C3orf18: variants seen among roughly 807,000 people sequenced by gnomAD.
The protein encoded by C3orf18 is chromosome 3 open reading frame 18, also known as uncharacterized protein C3orf18.
C3orf18 carries 12 observed loss-of-function variants against 14.1 expected under a neutral mutation model. The observed-to-expected ratio is 0.85, with a 90% confidence interval of 0.55 to 1.38. The LOEUF (loss-of-function observed/expected upper bound fraction) is 1.38, where lower values mean the gene tolerates loss of function less well. Ranked by LOEUF, C3orf18 falls within the 40% of genes most tolerant of loss-of-function variation. The probability of loss-of-function intolerance (pLI) is 0.00; values close to 1 mark genes in which losing one functional copy is unlikely to be tolerated. For missense variants in C3orf18, 196 were observed against 213.9 expected (o/e 0.92, Z 0.52); for synonymous variants, 82 against 87.9 (o/e 0.93, Z 0.38).
Position 50,559,053 on chromosome 3 carries a change from G to C in C3orf18, c.*604C>G. 3 of 1,289,764 alleles carry C rather than the reference G, an allele frequency of 2.3e-6. No homozygotes were observed. The highest frequency in any genetic ancestry group is 2.1e-4 in the Middle Eastern group (1 of 4,696). 79.9% of individuals were successfully genotyped at this position (1,289,764 alleles called of 1,614,324 possible). A position where few individuals can be genotyped will look rare whatever the true frequency, so the allele number is the denominator to read the frequency against. On this transcript the variant is annotated 3_prime_UTR_variant, in exon 6 of 6. Transcript: ENST00000357203. ...TCTGGTTGCCAAGGATGGGTGGCTG[G>C]GAGACCTCCTGGACCCTCCGTAGTA...
upstream of C3orf18, among the ~76,000 whole-genome samples, chr3:50,574,076 G>C (rs1701308569): frequency 6.6e-6 from 1 of 152,234 alleles, no homozygotes. Context: ...CCTTGGGCCA[G>C]CCTCTTGATG....
At chr3:50,573,507 A>T (rs957327979), upstream of C3orf18, among the ~76,000 whole-genome samples, 6 of 152,216 alleles carry the variant, frequency 3.9e-5, no homozygotes, top group Non-Finnish European at 7.3e-5. Flanking sequence ...GGTTCTGAGT[A>T]TCAAGTGTGG....
upstream of C3orf18, chr3:50,571,375 G>A (rs754385591): frequency 2.8e-6 from 4 of 1,424,838 alleles, no homozygotes. Context: ...AGGGAGGAGG[G>A]AGGACTTGGG....
At chr3:50,564,251 AC>A (rs1233352548) in intron 3 of C3orf18, among the ~76,000 whole-genome samples, 1 of 152,130 alleles carries the variant, frequency 6.6e-6, no homozygotes, top group East Asian at 1.9e-4. Flanking sequence ...CCTCAGGGGC[AC>A]CCCATCCTCC....
At chr3:50,569,379 G>A (rs1700619899), upstream of C3orf18, 1 of 152,308 alleles carries the variant, frequency 6.6e-6, no homozygotes. Flanking sequence ...CCCATCCGCA[G>A]GGGTCTCCTG....
Position 50,561,152 on chromosome 3 carries a change from C to T in C3orf18, c.261-88G>A, listed in dbSNP as rs926502618. 9 of 1,405,528 alleles carry T rather than the reference C, an allele frequency of 6.4e-6. No individual in the cohort carries two copies. The African/African-American group carries it at 1.1e-4, about 18-fold the overall frequency. The allele number at this position is 1,405,528 out of a possible 1,614,324, so 87.1% of individuals were successfully genotyped here. ...AGGCCCTGCCTCCTGACTAGCTGAG[C>T]CACAGCACACAACCATGCTTAGGGC... On this transcript the variant is annotated intron_variant, in intron 4 of 5. Transcript: ENST00000357203.
chr3:50,571,388 AG>A (rs1700938465), upstream of C3orf18: 1 of 1,309,972 alleles, frequency 7.6e-7, no homozygotes, highest in Non-Finnish European at 1.1e-6. Context: ...GACTTGGGGA[AG>A]GGATATCCAG....
At chr3:50,571,415 A>C (rs565200952), upstream of C3orf18, 8 of 1,050,164 alleles carry the variant, frequency 7.6e-6, no homozygotes, top group African/African-American at 1.1e-4. Context: ...CTGTTCACTA[A>C]GAGTGCTTAG....
chr3:50,571,597 A>T (rs1030653069), upstream of C3orf18: 19 of 993,194 alleles, frequency 1.9e-5, no homozygotes, highest in Non-Finnish European at 2.9e-5. Flanking sequence ...GGCCCAGATG[A>T]TGAGAGGGTT....
intron 4 of C3orf18, 63 bp from the exon 5 acceptor site, chr3:50,561,127 A>G: frequency 6.4e-7 from 1 of 1,550,520 alleles, no homozygotes; most frequent in South Asian, 1.2e-5. Context: ...GCAGCCCTCC[A>G]GGCCCTGCCT....
upstream of C3orf18, chr3:50,571,918 G>A: frequency 7.6e-7 from 1 of 1,312,018 alleles, no homozygotes; most frequent in Non-Finnish European, 1.1e-6. Flanking sequence ...AGGTGTTGGG[G>A]TGCAGGAGTG....
At position 50,561,751 on chromosome 3, in the gene C3orf18, C is replaced by T; in HGVS notation, c.235-4G>A. On this transcript the variant is annotated splice_region_variant and splice_polypyrimidine_tract_variant and intron_variant, in intron 3 of 5. Transcript: ENST00000357203. ...TCTTCTTCCTGATGTACAAAACCTG[C>T]AAGAGAAGGAGCAGCATCAAATGGC... 1 of 1,613,764 alleles carries T rather than the reference C, an allele frequency of 6.2e-7. No individual in the cohort carries two copies.
At chr3:50,570,783 G>T (rs1330563621), upstream of C3orf18, 2 of 248,932 alleles carry the variant, frequency 8.0e-6, no homozygotes, top group East Asian at 1.7e-4. Flanking sequence ...AAGTGGCCAA[G>T]ACAAGAATGA....
Position 50,565,701 on chromosome 3 carries a change from C to G in C3orf18, c.-2G>C, listed in dbSNP as rs770177366. On this transcript the variant is annotated 5_prime_UTR_variant, in exon 3 of 6. Transcript: ENST00000357203. The surrounding 1 kb of genome is among the most constrained non-coding windows in gnomAD (Gnocchi z 4.4). The stretch of plus-strand genomic sequence containing the variant: ...AGCAGATGCGGTCCTGGAGTTCATG[C>G]TGATGCGGAGAGGGCCCTGGCTGAG... 13 of 1,606,256 alleles carry G rather than the reference C, an allele frequency of 8.1e-6. No individual in the cohort carries two copies. In the South Asian group the frequency reaches 1.4e-4, roughly 18 times the overall value.
In C3orf18 at chr3:50,559,700, C is replaced by G. The variant is rs779624623; in HGVS notation, c.446G>C (p.Ser149Thr). Reference protein sequence around the residue: ...LPSQGPLQRPSRLVFTDVANA... With the variant: ...LPSQGPLQRPTRLVFTDVANA... ...GGCCACATCGGTAAACACCAGCCGG[C>G]TGGGTCTCTGCAGTGGGCCCTGGGA... Residue 149 changes from serine (S) to threonine (T), a missense_variant, in exon 6 of 6, where the codon AGC becomes ACC. Transcript: ENST00000357203. 8 of 1,596,620 alleles carry G rather than the reference C, an allele frequency of 5.0e-6. No individual in the cohort carries two copies. In the South Asian group the frequency reaches 8.0e-5, roughly 16 times the overall value.
chr3:50,559,430 G>A lies in C3orf18; in HGVS notation c.*227C>T. ...GCATGAGGGATGCCCTCTGTGCCAG[G>A]GCCCTCAGGTCAGGAGAAGTCAGTG... On this transcript the variant is annotated 3_prime_UTR_variant, in exon 6 of 6. Transcript: ENST00000357203. 1.4e-6 allele frequency: 2 copies of A among 1,397,734 alleles called. No homozygotes were observed. Among genetic ancestry groups the A allele is most frequent in the Non-Finnish European group, 1.9e-6 (2 of 1,076,046 alleles). The allele number at this position is 1,397,734 out of a possible 1,614,324, so 86.6% of individuals were successfully genotyped here. A position where few individuals can be genotyped will look rare whatever the true frequency, so the allele number is the denominator to read the frequency against.
chr3:50,561,113 C>T (rs1313170988), intron 4 of C3orf18, 49 bp from the exon 5 acceptor site: 2 of 1,587,598 alleles, frequency 1.3e-6, no homozygotes, highest in Admixed American at 3.4e-5. Context: ...CCCTTCCCCT[C>T]CCAGCAGCCC....
chr3:50,573,094 T>C (rs2107414500), upstream of C3orf18, among the ~76,000 whole-genome samples: 1 of 152,370 alleles, frequency 6.6e-6, no homozygotes, highest in South Asian at 2.1e-4. Context: ...AGAAACTCTC[T>C]GACCCCTCTC....
intron 5 of C3orf18, 63 bp downstream of exon 5, chr3:50,560,854 G>T (rs1343483669): frequency 1.3e-6 from 2 of 1,510,960 alleles, no homozygotes; most frequent in Admixed American, 3.9e-5. Context: ...GAGAAAGGAG[G>T]GAGGGTGAGG....
Sources: gnomAD v4.1 joint callset for allele counts (sites outside exome capture counted in the v4.1 genomes callset) on GRCh38, gnomAD v4.1.1 for gene constraint, Gnocchi (gnomAD v3.1) non-coding constraint, MANE v1.5 for transcripts, NCBI Gene and HGNC (gene_info 2026-07-23, HGNC 2026-07-21) for gene names.